CWC27: variants seen among roughly 807,000 people sequenced by gnomAD.
The protein encoded by CWC27 is CWC27 spliceosome associated cyclophilin.
A neutral mutation model predicts 63.6 loss-of-function variants in CWC27; 47 were observed. The ratio of observed to expected loss-of-function variants is 0.74; its 90% CI spans 0.58 to 0.94. The LOEUF (loss-of-function observed/expected upper bound fraction) is 0.94. Ranked by LOEUF, CWC27 falls within the 40% of genes least tolerant of loss-of-function variation. CWC27 has a pLI of 0.00. For missense variants in CWC27, 495 were observed against 554.3 expected, an observed-to-expected ratio of 0.89 and a Z score of 1.07; for synonymous variants, 175 against 179.8, an observed-to-expected ratio of 0.97 and a Z score of 0.22.
At position 64,932,894 on chromosome 5, in the gene CWC27, A is replaced by G. The variant is rs542996881; in HGVS notation, c.1043-38809A>G. On this transcript the variant is annotated intron_variant, in intron 11 of 13. Coordinates refer to ENST00000381070, the MANE Select transcript of CWC27 (RefSeq NM_005869.4). ...TTTTCTCTGAAATCTCCCAGAAGTG[A>G]TTCATCTATACACTGCTACTTAAGT... Among the ~76,000 whole-genome samples, 15 of 152,292 alleles carry G rather than the reference A, an allele frequency of 9.8e-5. No individual in the cohort carries two copies. In the East Asian group the frequency reaches 1.5e-3, roughly 16 times the overall value.
intron 10 of CWC27, among the ~76,000 whole-genome samples, chr5:64,873,164 TTTTCGTTTTG>T (rs1187014893): frequency 6.6e-6 from 1 of 152,172 alleles, no homozygotes; most frequent in Non-Finnish European, 1.5e-5. Flanking sequence ...ATGCATAAGC[TTTTCGTTTTG>T]TTTTGTTTCG....
At chr5:64,772,108 A>G (rs1743278030) in intron 1 of CWC27, among the ~76,000 whole-genome samples, 1 of 152,180 alleles carries the variant, frequency 6.6e-6, no homozygotes, top group Non-Finnish European at 1.5e-5. Context: ...TGCGCAAGGT[A>G]ACAAAGCTAG....
intron 5 of CWC27, among the ~76,000 whole-genome samples, chr5:64,786,154 G>C (rs1743875474): frequency 8.5e-6 from 1 of 117,680 alleles, no homozygotes; most frequent in Non-Finnish European, 1.6e-5. Flanking sequence ...GACAGAGCAA[G>C]ACTCCATCTC....
rs1005141277 is a variant in CWC27, at chr5:64,979,618, G to T, written c.1256+2380G>T. ...TTATAACAAATATTATGAGTGCATG[G>T]CATGTGCATGTGTGTTATGCATAAA... On this transcript the variant is annotated intron_variant, in intron 13 of 13. Transcript: ENST00000381070. 1.4e-4 allele frequency among the ~76,000 whole-genome samples: 21 copies of T among 152,170 alleles called. No individual in the cohort carries two copies. The South Asian group carries it at 2.7e-3, about 20-fold the overall frequency.
At chr5:64,832,354 C>A (rs1745547113) in intron 10 of CWC27, among the ~76,000 whole-genome samples, 1 of 151,370 alleles carries the variant, frequency 6.6e-6, no homozygotes, top group Admixed American at 6.6e-5. Flanking sequence ...TTTGAGTTTT[C>A]TAAAATTCCA....
At chr5:64,806,731 G>T (rs542353610) in intron 10 of CWC27, among the ~76,000 whole-genome samples, 4 of 152,038 alleles carry the variant, frequency 2.6e-5, no homozygotes, top group Non-Finnish European at 5.9e-5. Flanking sequence ...AATCCCAGCT[G>T]CTCAGCAGGC....
chr5:64,779,182 A>T (rs1743567182), intron 2 of CWC27, among the ~76,000 whole-genome samples: 1 of 152,186 alleles, frequency 6.6e-6, no homozygotes. Flanking sequence ...TTTAAATAAT[A>T]AAGACATTTA....
chr5:64,779,877 C>A (rs113632263), intron 2 of CWC27, among the ~76,000 whole-genome samples: 1 of 152,264 alleles, frequency 6.6e-6, no homozygotes, highest in African/African-American at 2.4e-5. Flanking sequence ...TCTGGCATTT[C>A]CCCTGCTTGC....
chr5:64,958,388 C>T (rs1342944801), intron 11 of CWC27, among the ~76,000 whole-genome samples: 1 of 152,112 alleles, frequency 6.6e-6, no homozygotes, highest in African/African-American at 2.4e-5. Flanking sequence ...TTGAACTTCT[C>T]CAAACCTCAG....
intron 13 of CWC27, among the ~76,000 whole-genome samples, chr5:64,982,880 C>T (rs988606749): frequency 5.9e-5 from 9 of 152,292 alleles, no homozygotes; most frequent in Middle Eastern, 6.8e-3. Context: ...AGCAGGCAAG[C>T]GAGCTTTACT....
chr5:64,966,201 A>C (rs1749009441), intron 11 of CWC27, among the ~76,000 whole-genome samples: 1 of 151,486 alleles, frequency 6.6e-6, no homozygotes, highest in South Asian at 2.1e-4. Context: ...AAAAAAAAAT[A>C]GTTTCCCTTT....
intron 11 of CWC27, among the ~76,000 whole-genome samples, chr5:64,900,350 T>G (rs998898121): frequency 6.6e-6 from 1 of 152,230 alleles, no homozygotes; most frequent in African/African-American, 2.4e-5. Flanking sequence ...TTGTCATCCG[T>G]ATATATTCTT....
Position 64,921,461 on chromosome 5 carries a change from C to T in CWC27, c.1042+35915C>T, listed in dbSNP as rs143012055. ...TCTCTATTAAGACCAGTTGGTTAAG[C>T]GTCGAGTTTAAGTACAGAATAACCC... is the stretch of plus-strand genomic sequence containing the variant. On this transcript the variant is annotated intron_variant, in intron 11 of 13. Coordinates refer to ENST00000381070, the MANE Select transcript of CWC27 (RefSeq NM_005869.4). Among the ~76,000 whole-genome samples, 625 of 151,920 alleles carry T rather than the reference C, an allele frequency of 4.1e-3. 4 individuals carry two copies. Among genetic ancestry groups the T allele is most frequent in the Non-Finnish European group, 5.5e-3 (374 of 67,914 alleles).
At chr5:64,814,142 A>G (rs1472890919) in intron 10 of CWC27, among the ~76,000 whole-genome samples, 1 of 151,608 alleles carries the variant, frequency 6.6e-6, no homozygotes, top group East Asian at 1.9e-4. Flanking sequence ...GTGCCCCAAG[A>G]CAACTCTTCT....
chr5:64,920,221 G>A (rs59349085), intron 11 of CWC27, among the ~76,000 whole-genome samples: 2,938 of 152,054 alleles, frequency 0.019, 83 homozygotes, highest in African/African-American at 0.06. Context: ...CTTCTGCCAC[G>A]GCCTCCCAAA....
chr5:64,772,843 A>C (rs1743314903), intron 1 of CWC27, among the ~76,000 whole-genome samples: 1 of 151,474 alleles, frequency 6.6e-6, no homozygotes, highest in Admixed American at 6.6e-5. Context: ...AGGCTGAGGC[A>C]GGAGAATTGC....
At chr5:64,855,208 G>A (rs926878866) in intron 10 of CWC27, among the ~76,000 whole-genome samples, 25 of 152,100 alleles carry the variant, frequency 1.6e-4, no homozygotes, top group Admixed American at 4.6e-4. Context: ...TGAAAAAAAA[G>A]TGATTTGGGA....
At chr5:64,939,767 A>G (rs1252080007) in intron 11 of CWC27, among the ~76,000 whole-genome samples, 2 of 152,196 alleles carry the variant, frequency 1.3e-5, no homozygotes, top group Non-Finnish European at 2.9e-5. Context: ...AGTTTTATCT[A>G]TAATCCCCTG....
intron 13 of CWC27, among the ~76,000 whole-genome samples, chr5:65,003,850 T>G (rs1271652534): frequency 1.3e-5 from 2 of 151,506 alleles, no homozygotes; most frequent in East Asian, 3.9e-4. Context: ...ATTTGACTTT[T>G]TTTTTTTTTT....
Sources: gnomAD v4.1 joint callset for allele counts (sites outside exome capture counted in the v4.1 genomes callset) on GRCh38, gnomAD v4.1.1 for gene constraint, MANE v1.5 for transcripts, NCBI Gene and HGNC (gene_info 2026-07-23, HGNC 2026-07-21) for gene names.